Variants in DCLK2 observed in about 807,000 individuals in gnomAD.
The protein encoded by DCLK2 is serine/threonine-protein kinase DCLK2.
In DCLK2, 31 loss-of-function variants were observed where a neutral mutation model predicts 78.4. That is an observed-to-expected ratio of 0.40 (90% CI 0.30 to 0.53). The LOEUF is 0.53. Ranked by LOEUF, DCLK2 falls within the 20% of genes least tolerant of loss-of-function variation. The pLI, the probability that DCLK2 is intolerant of heterozygous loss-of-function variation, is 0.61. For missense variants in DCLK2, 872 were observed against 973.7 expected (o/e 0.90, Z 1.39); for synonymous variants, 407 against 374.9 (o/e 1.09, Z -0.99).
At chr4:150,103,703 G>T (rs566362986) in intron 2 of DCLK2, among the ~76,000 whole-genome samples, 1 of 152,136 alleles carries the variant, frequency 6.6e-6, no homozygotes, top group Non-Finnish European at 1.5e-5. Flanking sequence ...ACATTGAGCA[G>T]TGTCTTTGGG....
intron 10 of DCLK2, among the ~76,000 whole-genome samples, chr4:150,238,268 GA>G (rs1413119471): frequency 3.3e-5 from 5 of 151,976 alleles, no homozygotes; most frequent in Non-Finnish European, 7.4e-5. Context: ...TAATATATTT[GA>G]AAAATGCTTA....
At chr4:150,202,591 C>A (rs1739536650) in intron 4 of DCLK2, among the ~76,000 whole-genome samples, 2 of 152,192 alleles carry the variant, frequency 1.3e-5, no homozygotes, top group East Asian at 3.9e-4. Context: ...TTTGAGTCCC[C>A]TATTCAGGAC....
At chr4:150,120,543 T>C in intron 2 of DCLK2, among the ~76,000 whole-genome samples, 1 of 152,340 alleles carries the variant, frequency 6.6e-6, no homozygotes, top group African/African-American at 2.4e-5. Flanking sequence ...AGAAAAATAG[T>C]GCTACAGTCC....
intron 2 of DCLK2, among the ~76,000 whole-genome samples, chr4:150,103,962 C>A (rs1731058526): frequency 6.6e-6 from 1 of 151,884 alleles, no homozygotes; most frequent in Non-Finnish European, 1.5e-5. Flanking sequence ...CACAAAACAC[C>A]TTAAGATTTA....
intron 15 of DCLK2, among the ~76,000 whole-genome samples, chr4:150,250,403 C>G (rs564206182): frequency 2.8e-4 from 42 of 152,212 alleles, no homozygotes; most frequent in African/African-American, 1.0e-3. Context: ...ACACCCGCAG[C>G]AGCTGTCCAG....
chr4:150,135,011 A>C (rs1334169644), intron 2 of DCLK2, among the ~76,000 whole-genome samples: 1 of 152,292 alleles, frequency 6.6e-6, no homozygotes, highest in Admixed American at 6.5e-5. Context: ...AATGTTTGCT[A>C]TGAGAAAATT....
chr4:150,124,260 A>C (rs1732772121), intron 2 of DCLK2, among the ~76,000 whole-genome samples: 1 of 152,120 alleles, frequency 6.6e-6, no homozygotes, highest in Non-Finnish European at 1.5e-5. Context: ...AGCAACGCCC[A>C]CCCAGAAGGA....
intron 2 of DCLK2, chr4:150,175,346 A>G (rs942832902): frequency 1.3e-5 from 2 of 150,890 alleles, no homozygotes; most frequent in Non-Finnish European, 2.9e-5. Flanking sequence ...TCCACAAACC[A>G]TTTAGGAAGT....
intron 10 of DCLK2, among the ~76,000 whole-genome samples, chr4:150,239,163 C>T (rs371024251): frequency 3.3e-5 from 5 of 152,246 alleles, no homozygotes; most frequent in Admixed American, 1.3e-4. Context: ...TAAGCAAGCA[C>T]GTGTGTTCAT....
intron 2 of DCLK2, among the ~76,000 whole-genome samples, chr4:150,154,998 A>T (rs1190401055): frequency 6.6e-6 from 1 of 152,184 alleles, no homozygotes; most frequent in Non-Finnish European, 1.5e-5. Context: ...TGGGAGGCCT[A>T]GGCGGGTGGA....
rs1055739634 is a variant in DCLK2, at chr4:150,147,120, C to CA, written c.756+44318dup. On this transcript the variant is annotated intron_variant, in intron 2 of 15. Transcript: ENST00000296550. ...GCAACATAGTGAGGCCTGTTTCTAC[C>CA]AAAAAAAAAATAAAAAATAAAAAAG... Among the ~76,000 whole-genome samples, 321 of 145,232 alleles carry CA rather than the reference C, an allele frequency of 2.2e-3. 2 individuals are homozygous for CA. The highest frequency in any genetic ancestry group is 3.9e-3 in the Admixed American group (57 of 14,624).
chr4:150,245,571 A>G (rs1306533891), intron 12 of DCLK2, among the ~76,000 whole-genome samples: 1 of 151,998 alleles, frequency 6.6e-6, no homozygotes. Flanking sequence ...CCTGTGTCCA[A>G]GTGTTCTCAT....
intron 1 of DCLK2, among the ~76,000 whole-genome samples, chr4:150,091,161 G>C (rs1730034044): frequency 6.6e-6 from 1 of 152,188 alleles, no homozygotes. Flanking sequence ...GAACTCATCT[G>C]TGATGTATTT....
intron 12 of DCLK2, among the ~76,000 whole-genome samples, chr4:150,242,023 T>C (rs982693265): frequency 6.6e-6 from 1 of 152,242 alleles, no homozygotes; most frequent in African/African-American, 2.4e-5. Flanking sequence ...TGGTTTTATC[T>C]TCTTTTCCAT....
intron 2 of DCLK2, among the ~76,000 whole-genome samples, chr4:150,104,796 A>G (rs1731144368): frequency 1.3e-5 from 2 of 152,172 alleles, no homozygotes; most frequent in South Asian, 4.1e-4. Flanking sequence ...TTTCTATCTG[A>G]AACAACAAGC....
intron 8 of DCLK2, among the ~76,000 whole-genome samples, chr4:150,229,673 C>T (rs1202819259): frequency 1.3e-5 from 2 of 152,128 alleles, no homozygotes; most frequent in Non-Finnish European, 1.5e-5. Context: ...TTAAAAATCA[C>T]CATGTCCAAA....
chr4:150,191,896 A>C (rs1738481038), intron 2 of DCLK2, among the ~76,000 whole-genome samples: 1 of 152,192 alleles, frequency 6.6e-6, no homozygotes, highest in Non-Finnish European at 1.5e-5. Flanking sequence ...AAAGCTAAAT[A>C]GTGATTCGGA....
intron 2 of DCLK2, among the ~76,000 whole-genome samples, chr4:150,159,519 C>T (rs145037154): frequency 3.3e-5 from 5 of 152,332 alleles, no homozygotes; most frequent in Non-Finnish European, 5.9e-5. Flanking sequence ...TTACAGCACA[C>T]GTGCCCTGGC....
intron 1 of DCLK2, among the ~76,000 whole-genome samples, chr4:150,095,337 A>G (rs1202476755): frequency 2.0e-5 from 3 of 152,234 alleles, no homozygotes; most frequent in Non-Finnish European, 4.4e-5. Flanking sequence ...CCTAATCGAT[A>G]TAGTTTACTT....
Sources: gnomAD v4.1 joint callset for allele counts (sites outside exome capture counted in the v4.1 genomes callset) on GRCh38, gnomAD v4.1.1 for gene constraint, MANE v1.5 for transcripts, NCBI Gene and HGNC (gene_info 2026-07-23, HGNC 2026-07-21) for gene names.